Variants in STAT3 observed in about 807,000 individuals in gnomAD.
STAT3 encodes DNA-binding protein APRF.
Under a neutral mutation model 114.3 loss-of-function variants are expected in STAT3, and 7 were observed. The observed-to-expected ratio is 0.06, with a 90% confidence interval of 0.03 to 0.11. The LOEUF (loss-of-function observed/expected upper bound fraction) is 0.11, where lower values mean the gene tolerates loss of function less well. STAT3 is among the 10% of genes least tolerant of loss of function. STAT3 has a pLI of 1.00. For missense variants in STAT3, 364 were observed against 960.9 expected (o/e 0.38, Z 8.21); for synonymous variants, 331 against 354.5 (o/e 0.93, Z 0.74).
At chr17:42,359,723 C>T (rs1411859540) in intron 1 of STAT3, among the ~76,000 whole-genome samples, 2 of 152,136 alleles carry the variant, frequency 1.3e-5, no homozygotes, top group Admixed American at 6.5e-5. Flanking sequence ...CAGATAGGTA[C>T]TATTTTTATC....
chr17:42,331,590 T>A, intron 10 of STAT3, 59 bp from the exon 11 acceptor site: 1 of 1,385,004 alleles, frequency 7.2e-7, no homozygotes. Context: ...TAACCTTTTC[T>A]TGAAGAAATG....
intron 1 of STAT3, 178 bp downstream of exon 1, chr17:42,388,101 G>A (rs1315547766): frequency 2.6e-6 from 2 of 764,520 alleles, no homozygotes; most frequent in East Asian, 6.8e-5. Flanking sequence ...CCCTTCCGAG[G>A]CCCGCTCCTG....
chr17:42,328,524 C>T (rs2144754941), intron 14 of STAT3, among the ~76,000 whole-genome samples: 1 of 152,330 alleles, frequency 6.6e-6, no homozygotes, highest in South Asian at 2.1e-4. Context: ...TCTCATGCCT[C>T]AGCCTCCCCA....
intron 1 of STAT3, among the ~76,000 whole-genome samples, chr17:42,378,606 G>A (rs1051113850): frequency 6.6e-6 from 1 of 152,186 alleles, no homozygotes. Flanking sequence ...TAAACATACT[G>A]ATGAAAAGAG....
intron 1 of STAT3, among the ~76,000 whole-genome samples, chr17:42,374,435 C>T (rs2084338918): frequency 6.6e-6 from 1 of 151,944 alleles, no homozygotes; most frequent in African/African-American, 2.4e-5. Flanking sequence ...CAGTGAAACC[C>T]CGTCTCTACT....
At chr17:42,360,589 A>C (rs561714630) in intron 1 of STAT3, among the ~76,000 whole-genome samples, 1 of 152,086 alleles carries the variant, frequency 6.6e-6, no homozygotes, top group African/African-American at 2.4e-5. Context: ...GGTGGCAGTG[A>C]GCCAAGATTG....
At chr17:42,339,255 CAAAA>C (rs397712608) in intron 5 of STAT3, 55 bp downstream of exon 5, 230 of 1,343,350 alleles carry the variant, frequency 1.7e-4, no homozygotes, top group East Asian at 2.0e-4. Context: ...GACCCTGTCT[CAAAA>C]AAAAAAAAAA....
chr17:42,349,317 A>C (rs948440994), intron 1 of STAT3, among the ~76,000 whole-genome samples: 7 of 152,206 alleles, frequency 4.6e-5, no homozygotes. Context: ...CACTCCTCAG[A>C]GGTATTGAGA....
At chr17:42,320,018 G>A (rs1386117874) in intron 21 of STAT3, among the ~76,000 whole-genome samples, 1 of 152,196 alleles carries the variant, frequency 6.6e-6, no homozygotes, top group Admixed American at 6.5e-5. Context: ...TGGTAATGGA[G>A]GATGCAGCCT....
chr17:42,321,465 C>T (rs1426225091), intron 21 of STAT3, among the ~76,000 whole-genome samples: 2 of 152,076 alleles, frequency 1.3e-5, no homozygotes, highest in Non-Finnish European at 2.9e-5. Context: ...TGTCCTCTTA[C>T]ACATTAAAAT....
intron 1 of STAT3, among the ~76,000 whole-genome samples, chr17:42,368,538 C>T (rs2083927673): frequency 6.6e-6 from 1 of 152,184 alleles, no homozygotes; most frequent in South Asian, 2.1e-4. Context: ...CAGCTCACTG[C>T]AACCTCTGCC....
At chr17:42,339,441 C>G in intron 4 of STAT3, 32 bp from the exon 5 acceptor site, 1 of 1,606,922 alleles carries the variant, frequency 6.2e-7, no homozygotes, top group Non-Finnish European at 8.5e-7. Context: ...CACATGTGAA[C>G]ACAGAACTAT....
intron 10 of STAT3, among the ~76,000 whole-genome samples, chr17:42,332,117 G>A (rs2082040216): frequency 6.6e-6 from 1 of 151,622 alleles, no homozygotes. Context: ...AGTAGAGACA[G>A]AGTTTCTCCA....
At chr17:42,363,457 T>C (rs901135777) in intron 1 of STAT3, among the ~76,000 whole-genome samples, 1 of 152,074 alleles carries the variant, frequency 6.6e-6, no homozygotes, top group Non-Finnish European at 1.5e-5. Flanking sequence ...TGACTTTCAT[T>C]TTTTGAGACA....
chr17:42,324,324 AT>A lies in STAT3; in HGVS notation c.1600+386del, dbSNP rs2081610169. 6.6e-6 allele frequency among the ~76,000 whole-genome samples: 1 copy of A among 152,220 alleles called. No homozygotes were observed. Among genetic ancestry groups the A allele is most frequent in the South Asian group, 2.1e-4 (1 of 4,828 alleles). On this transcript the variant is annotated intron_variant, in intron 17 of 23. Transcript: ENST00000264657. The surrounding 1 kb of genome is among the most constrained non-coding windows in gnomAD (Gnocchi z 4.5). Reference sequence around the variant, plus strand: ...ACAGAGCAAGACTCGTCTCAAAAAAATAAATAAATAAATAAAATAAGACAAA... The same window carrying A: ...ACAGAGCAAGACTCGTCTCAAAAAAAAAATAAATAAATAAAATAAGACAAA...
chr17:42,346,717 G>C lies in STAT3; in HGVS notation c.129-4C>G, dbSNP rs1567730026. 1.9e-6 allele frequency: 3 copies of C among 1,613,886 alleles called. No individual in the cohort carries two copies. The highest frequency in any genetic ancestry group is 1.7e-6 in the Non-Finnish European group (2 of 1,179,998). The stretch of plus-strand genomic sequence containing the variant: ...TTCTTTGCTGGCCGCATATGCCCTA[G>C]GAAAAGGAAGAATGATAAAGAATGG... On this transcript the variant is annotated splice_region_variant and splice_polypyrimidine_tract_variant and intron_variant, in intron 2 of 23. Transcript: ENST00000264657.
chr17:42,358,933 CTTT>C (rs35099574), intron 1 of STAT3, among the ~76,000 whole-genome samples: 22 of 100,452 alleles, frequency 2.2e-4, no homozygotes, highest in African/African-American at 7.8e-4. Flanking sequence ...ACATTTCTTA[CTTT>C]TTTTTTTTTT....
Position 42,384,167 on chromosome 17 carries a change from C to T in STAT3, c.-24+4112G>A, listed in dbSNP as rs373677976. Among the ~76,000 whole-genome samples, 10 of 144,210 alleles carry T rather than the reference C, an allele frequency of 6.9e-5. No individual in the cohort carries two copies. The East Asian group carries it at 2.1e-3, about 30-fold the overall frequency. 94.6% of individuals were successfully genotyped at this position (144,210 alleles called of 152,430 possible). ...TTTTTGAGACGGAGTCTCGCTCTGTCGCCCAGGCTGGAGTGCAGTGGTGCG... is the reference window on the plus strand; with the variant it reads ...TTTTTGAGACGGAGTCTCGCTCTGTTGCCCAGGCTGGAGTGCAGTGGTGCG... On this transcript the variant is annotated intron_variant, in intron 1 of 23. Coordinates refer to ENST00000264657, the MANE Select transcript of STAT3 (RefSeq NM_139276.3).
rs2082283419 is a variant in STAT3, at chr17:42,337,701, G to A, written c.645+62C>T. 11 of 1,613,550 alleles carry A rather than the reference G, an allele frequency of 6.8e-6. No homozygotes were observed. The highest frequency in any genetic ancestry group is 9.3e-6 in the Non-Finnish European group (11 of 1,179,536). ...AGAAACCAAGCAAGTTCTGCCACAAGACGCTGAAATCCCGCAAGTGAGCGA... is the reference window on the plus strand; with the variant it reads ...AGAAACCAAGCAAGTTCTGCCACAAAACGCTGAAATCCCGCAAGTGAGCGA... On this transcript the variant is annotated intron_variant, in intron 7 of 23. Transcript: ENST00000264657. This position sits in a 1 kb window ranked among gnomAD's most constrained non-coding sequence, Gnocchi z 4.0.
Sources: allele counts gnomAD v4.1 joint callset (sites outside exome capture counted in the v4.1 genomes callset), GRCh38; gene constraint gnomAD v4.1.1; non-coding constraint Gnocchi (gnomAD v3.1); transcripts MANE v1.5; gene names NCBI Gene and HGNC (gene_info 2026-07-23, HGNC 2026-07-21).